Variants in NCKAP5 observed in about 807,000 individuals in gnomAD.
NCKAP5 encodes NCK associated protein 5, also known as nck-associated protein 5.
NCKAP5 carries 92 observed loss-of-function variants against 167.0 expected under a neutral mutation model. That is an observed-to-expected ratio of 0.55 (90% CI 0.47 to 0.66). The LOEUF is 0.66. NCKAP5 is among the 30% of genes least tolerant of loss of function. The pLI is 0.00. For missense variants in NCKAP5, 2,378 were observed against 2,315.0 expected (o/e 1.03, Z -0.56); for synonymous variants, 891 against 877.4 (o/e 1.02, Z -0.27).
At chr2:132,846,329 T>C (rs1688659456) in intron 11 of NCKAP5, among the ~76,000 whole-genome samples, 2 of 151,920 alleles carry the variant, frequency 1.3e-5, no homozygotes, top group African/African-American at 4.8e-5. Context: ...TGGTGACTCT[T>C]TTTTTTTGAG....
chr2:133,291,711 C>T (rs572826585), intron 4 of NCKAP5, among the ~76,000 whole-genome samples: 139 of 152,326 alleles, frequency 9.1e-4, no homozygotes, highest in African/African-American at 3.2e-3. Flanking sequence ...TTCCCTGGGC[C>T]GTGAAACCAG....
At chr2:133,525,525 G>T (rs1684798595) in intron 2 of NCKAP5, among the ~76,000 whole-genome samples, 1 of 152,188 alleles carries the variant, frequency 6.6e-6, no homozygotes, top group African/African-American at 2.4e-5. Flanking sequence ...TAAAAAAATT[G>T]CTATGAATCT....
rs531861188 is a variant in NCKAP5 at position 132,783,743 on chromosome 2, T to A, written c.3068A>T (p.His1023Leu). The A allele has an allele frequency of 8.1e-6, 13 of 1,604,434 alleles. No homozygotes were observed. In the East Asian group the frequency reaches 2.5e-4, roughly 30 times the overall value. Residue 1023 changes from histidine to leucine, a missense_variant, in exon 14 of 20, where the codon CAT becomes CTT. Physicochemically the swap from His to Leu is moderately conservative, Grantham distance 99 (BLOSUM62 -3). Around this residue, in one of 3 missense-constraint regions of NCKAP5, gnomAD observed 1,325 missense variants for 1,274.5 expected, o/e 1.04. Coordinates refer to ENST00000409261, the MANE Select transcript of NCKAP5 (RefSeq NM_207363.3). ...TACGGTGAAGGAGCTGGAGGGGGCA[T>A]GAGCAGGGCATCGGGTTTGAATGAC... ...EAVIQTRCPA[H>L]APSSSFTVMA...
At chr2:132,835,835 C>T (rs2105390810) in intron 11 of NCKAP5, among the ~76,000 whole-genome samples, 1 of 152,148 alleles carries the variant, frequency 6.6e-6, no homozygotes, top group African/African-American at 2.4e-5. Context: ...AAGTGTCTCA[C>T]CCACCCTTCT....
intron 2 of NCKAP5, among the ~76,000 whole-genome samples, chr2:133,538,801 T>C (rs1163833761): frequency 6.6e-6 from 1 of 151,972 alleles, no homozygotes; most frequent in Admixed American, 6.5e-5. Context: ...ACAGCTTACA[T>C]AGGATGTTGA....
chr2:132,838,446 G>A (rs6751530), intron 11 of NCKAP5, among the ~76,000 whole-genome samples: 91,204 of 151,746 alleles, frequency 0.6, 29,284 homozygotes, highest in East Asian at 0.88. Context: ...CCTGGCTAAC[G>A]TGGTGAAACC....
chr2:132,895,514 C>T (rs549046052), intron 8 of NCKAP5, among the ~76,000 whole-genome samples: 5 of 152,100 alleles, frequency 3.3e-5, no homozygotes, highest in African/African-American at 9.6e-5. Flanking sequence ...TAGCCAGAAG[C>T]TGGAAATGTA....
chr2:133,091,910 T>G (rs778233844), intron 6 of NCKAP5, among the ~76,000 whole-genome samples: 2 of 152,038 alleles, frequency 1.3e-5, no homozygotes, highest in African/African-American at 4.8e-5. Flanking sequence ...TAAATAAAGA[T>G]GCTTGTCAGT....
intron 6 of NCKAP5, among the ~76,000 whole-genome samples, chr2:133,012,555 G>A (rs1379829316): frequency 1.3e-5 from 2 of 152,034 alleles, no homozygotes; most frequent in Non-Finnish European, 2.9e-5. Flanking sequence ...TATCATCAAT[G>A]GGCCTGAAGT....
At chr2:133,647,352 A>AAAGAAAGGAAAGAAAGGAAGGAAGG in the NCKAP5 span, among the ~76,000 whole-genome samples, 1,234 of 121,886 alleles carry the variant, frequency 0.01, 57 homozygotes, top group Admixed American at 0.043. Context: ...GAAAGAAAGG[A>AAAGAAAGGAAAGAAAGGAAGGAAGG]AAGAAAGGAA....
At chr2:133,613,841 G>C in the NCKAP5 span, among the ~76,000 whole-genome samples, 2 of 152,202 alleles carry the variant, frequency 1.3e-5, no homozygotes, top group African/African-American at 4.8e-5. Context: ...TAATGCAAGA[G>C]TTGCTAGTCT....
At chr2:133,129,469 C>A (rs926506611) in intron 6 of NCKAP5, among the ~76,000 whole-genome samples, 2 of 152,164 alleles carry the variant, frequency 1.3e-5, no homozygotes, top group Non-Finnish European at 2.9e-5. Context: ...TGTATATGTG[C>A]CACATTTTCT....
At chr2:132,686,741 C>G (rs1054298541) in intron 19 of NCKAP5, among the ~76,000 whole-genome samples, 1 of 152,130 alleles carries the variant, frequency 6.6e-6, no homozygotes, top group Non-Finnish European at 1.5e-5. Flanking sequence ...GGAGAATACA[C>G]ATTTATTTCC....
chr2:132,675,833 C>G (rs1344494860), intron 19 of NCKAP5, among the ~76,000 whole-genome samples: 1 of 143,340 alleles, frequency 7.0e-6, no homozygotes, highest in Non-Finnish European at 1.5e-5. Flanking sequence ...AAAGAAGGGA[C>G]CATTATTTAA....
chr2:133,333,709 C>T (rs1683025516), intron 3 of NCKAP5: 1 of 152,184 alleles, frequency 6.6e-6, no homozygotes, highest in Non-Finnish European at 1.5e-5. Flanking sequence ...GAACACCATG[C>T]AAGAGAAAAC....
In NCKAP5 at chr2:132,942,709, T is replaced by C. The variant is rs182891994; in HGVS notation, c.579+21011A>G. ...CATTATGGAATCCAATCAACCTTAA[T>C]TTCCAACAGATGACATGACCACTCA... On this transcript the variant is annotated intron_variant, in intron 8 of 19. Coordinates refer to ENST00000409261, the MANE Select transcript of NCKAP5 (RefSeq NM_207363.3). Among the ~76,000 whole-genome samples, 41 of 152,308 alleles carry C rather than the reference T, an allele frequency of 2.7e-4. 1 individual carries two copies. In the East Asian group the frequency reaches 6.9e-3, roughly 26 times the overall value.
rs1683245100 is a variant in NCKAP5, at chr2:132,783,494, C to T, written c.3317G>A (p.Gly1106Glu). Residue 1106 changes from glycine (G) to glutamate (E), a missense_variant, in exon 14 of 20, where the codon GGG becomes GAG. By Grantham distance (98) the Gly-to-Glu change is moderately conservative. Coordinates refer to ENST00000409261, the MANE Select transcript of NCKAP5 (RefSeq NM_207363.3). The part of the protein sequence containing the change: ...ASTPPKPSFL[G>E]VNESPSSQVS... ...CTGAGATGATGGTGACTCATTTACC[C>T]CTAAGAAGGAAGGCTTGGGGGGTGT... 5 of 1,606,602 alleles carry T rather than the reference C, an allele frequency of 3.1e-6. No individual in the cohort carries two copies. In the South Asian group the frequency reaches 4.5e-5, roughly 14 times the overall value.
chr2:133,056,888 C>T (rs1452017221), intron 6 of NCKAP5, among the ~76,000 whole-genome samples: 1 of 151,840 alleles, frequency 6.6e-6, no homozygotes, highest in Non-Finnish European at 1.5e-5. Flanking sequence ...TTGTGCTTTG[C>T]AGATTTTTTT....
intron 3 of NCKAP5, among the ~76,000 whole-genome samples, chr2:133,466,841 G>C (rs1038586764): frequency 3.9e-5 from 6 of 152,080 alleles, no homozygotes; most frequent in Non-Finnish European, 5.9e-5. Flanking sequence ...GAATGCTTGT[G>C]ATTTTTGTAC....
Sources: gnomAD v4.1 joint callset for allele counts (sites outside exome capture counted in the v4.1 genomes callset) on GRCh38, gnomAD v4.1.1 for gene constraint, gnomAD v4.1.1 regional missense constraint, MANE v1.5 for transcripts, NCBI Gene and HGNC (gene_info 2026-07-23, HGNC 2026-07-21) for gene names.